Variants in PACS2 observed in about 807,000 individuals in gnomAD.
PACS2 encodes the protein phosphofurin acidic cluster sorting protein 2, also known as PACS1-like protein.
A neutral mutation model predicts 113.0 loss-of-function variants in PACS2; 36 were observed. The ratio of observed to expected loss-of-function variants is 0.32; its 90% CI spans 0.24 to 0.42. PACS2 has a LOEUF of 0.42. Among genes scored for constraint, PACS2 ranks in the 10% least tolerant of loss-of-function variants. The probability of loss-of-function intolerance (pLI) is 1.00; values close to 1 mark genes in which losing one functional copy is unlikely to be tolerated. For synonymous variants in PACS2, 589 were observed against 536.1 expected, an observed-to-expected ratio of 1.10 and a Z score of -1.36; for missense variants, 1,015 against 1,239.5, an observed-to-expected ratio of 0.82 and a Z score of 2.72.
chr14:105,314,985 A>G lies in PACS2; in HGVS notation c.67A>G (p.Asn23Asp), dbSNP rs2058503507. 2 of 1,247,924 alleles carry G rather than the reference A, an allele frequency of 1.6e-6. No homozygotes were observed. The highest frequency in any genetic ancestry group is 1.6e-5 in the South Asian group (1 of 63,116). The allele number at this position is 1,247,924 out of a possible 1,614,324, so 77.3% of individuals were successfully genotyped here. The change falls in exon 1 of 25, where the codon AAC becomes GAC. Residue 23 changes from asparagine (N) to aspartate (D), a missense_variant. Coordinates refer to ENST00000447393, the MANE Select transcript of PACS2 (RefSeq NM_001100913.3). ...CGCGCTCAACACGCCCGTGCCCATG[A>G]ACCTGTTCGCCACCTGGGAGGTGGA... is the stretch of plus-strand genomic sequence containing the variant. ...PGALNTPVPM[N>D]LFATWEVDGS...
At chr14:105,372,936 A>G (rs2061209961) in intron 8 of PACS2, 1 of 152,208 alleles carries the variant, frequency 6.6e-6, no homozygotes, top group Non-Finnish European at 1.5e-5. Context: ...GTTGACAGAA[A>G]ATATTTGCAA....
chr14:105,350,617 C>T (rs1380760516), intron 2 of PACS2, among the ~76,000 whole-genome samples: 2 of 152,248 alleles, frequency 1.3e-5, no homozygotes, highest in Non-Finnish European at 2.9e-5. Context: ...CCTCTCCGCC[C>T]AGGCCCCCTG....
chr14:105,362,544 AT>A (rs1357056438), intron 4 of PACS2, among the ~76,000 whole-genome samples: 33 of 151,846 alleles, frequency 2.2e-4, no homozygotes, highest in African/African-American at 7.0e-4. Flanking sequence ...AATGAAATAC[AT>A]TTTTTTTAAA....
chr14:105,341,650 T>C (rs2059729045), intron 1 of PACS2, among the ~76,000 whole-genome samples: 1 of 152,198 alleles, frequency 6.6e-6, no homozygotes, highest in African/African-American at 2.4e-5. Context: ...GCAAATAACA[T>C]GTTTTGTTTA....
At chr14:105,375,636 A>G (rs587609689) in intron 8 of PACS2, among the ~76,000 whole-genome samples, 1 of 152,380 alleles carries the variant, frequency 6.6e-6, no homozygotes, top group African/African-American at 2.4e-5. Context: ...GATCCCCACT[A>G]GGATGGCTGG....
At chr14:105,362,361 G>T (rs1485438946) in intron 4 of PACS2, among the ~76,000 whole-genome samples, 1 of 149,202 alleles carries the variant, frequency 6.7e-6, no homozygotes, top group Admixed American at 6.7e-5. Flanking sequence ...AGCTTGCAGT[G>T]AGCCGAGATC....
rs1555412966 is a variant in PACS2, at chr14:105,384,334, C to T, written c.1781-19C>T. 13 of 1,490,616 alleles carry T rather than the reference C, an allele frequency of 8.7e-6. No individual in the cohort carries two copies. The highest frequency in any genetic ancestry group is 1.1e-5 in the Non-Finnish European group (12 of 1,072,188). The allele number at this position is 1,490,616 out of a possible 1,614,324, so 92.3% of individuals were successfully genotyped here. On this transcript the variant is annotated intron_variant, in intron 16 of 24. Coordinates refer to ENST00000447393, the MANE Select transcript of PACS2 (RefSeq NM_001100913.3). ...TCCGAGTCCCCCGTGGTGACACCAG[C>T]CCCACCCCTGGCATGCAGGCTCCCA...
At chr14:105,353,754 C>A (rs764097657) in intron 3 of PACS2, among the ~76,000 whole-genome samples, 1 of 151,960 alleles carries the variant, frequency 6.6e-6, no homozygotes, top group African/African-American at 2.4e-5. Context: ...CCACCACGCC[C>A]GGCTATTTTT....
rs587661522 is a variant in PACS2, at chr14:105,331,244, C to T, written c.119+16207C>T. ...TGCTGGGATTACAGGCATGAGCCACCGTGCCCAGCCTGGGTTGGCTTTTAA... is the reference window on the plus strand; with the variant it reads ...TGCTGGGATTACAGGCATGAGCCACTGTGCCCAGCCTGGGTTGGCTTTTAA... On this transcript the variant is annotated intron_variant, in intron 1 of 24. Transcript: ENST00000447393. Among the ~76,000 whole-genome samples the T allele has an allele frequency of 3.3e-5, 5 of 152,226 alleles. No individual in the cohort carries two copies. The South Asian group carries it at 8.3e-4, about 25-fold the overall frequency.
intron 19 of PACS2, among the ~76,000 whole-genome samples, chr14:105,387,922 C>A (rs1057280250): frequency 4.6e-5 from 7 of 152,236 alleles, no homozygotes; most frequent in African/African-American, 1.7e-4. Flanking sequence ...TTTCCAAACA[C>A]TGGTCTGCTC....
intron 9 of PACS2, 83 bp from the exon 10 acceptor site, chr14:105,379,656 C>T: frequency 8.9e-7 from 1 of 1,124,948 alleles, no homozygotes; most frequent in Non-Finnish European, 1.3e-6. Context: ...TCTGTCCCTC[C>T]AGGTGTGGTG....
At position 105,318,183 on chromosome 14, in the gene PACS2, A is replaced by G. The variant is rs587616841; in HGVS notation, c.119+3146A>G. 6.6e-5 allele frequency among the ~76,000 whole-genome samples: 10 copies of G among 152,300 alleles called. No homozygotes were observed. In the South Asian group the frequency reaches 1.9e-3, roughly 28 times the overall value. ...GTTGTTGCAGAGACAGGGTCTCCCT[A>G]TGTTGCCCAGACTGGTCTTGAACTC... On this transcript the variant is annotated intron_variant, in intron 1 of 24. Coordinates refer to ENST00000447393, the MANE Select transcript of PACS2 (RefSeq NM_001100913.3).
chr14:105,393,192 A>G, intron 23 of PACS2, 30 bp from the exon 24 acceptor site: 1 of 1,548,648 alleles, frequency 6.5e-7, no homozygotes, highest in Non-Finnish European at 8.9e-7. Context: ...GAGCAGCAAG[A>G]TGACAGCAGG....
rs782647334 is a variant in PACS2, at chr14:105,391,802, C to T, written c.2255+36C>T. ...CTCACGGCTCAGCACGTTTCACTTA[C>T]CCGCCCCACCACATGCTGCCTGATT... is the stretch of plus-strand genomic sequence containing the variant. On this transcript the variant is annotated intron_variant, in intron 22 of 24. Coordinates refer to ENST00000447393, the MANE Select transcript of PACS2 (RefSeq NM_001100913.3). 31 of 1,554,434 alleles carry T rather than the reference C, an allele frequency of 2.0e-5. No individual in the cohort carries two copies. The South Asian group carries it at 3.3e-4, about 17-fold the overall frequency.
At chr14:105,334,173 C>A (rs934493878) in intron 1 of PACS2, among the ~76,000 whole-genome samples, 2 of 152,214 alleles carry the variant, frequency 1.3e-5, no homozygotes, top group Non-Finnish European at 2.9e-5. Flanking sequence ...CATCCTCCTG[C>A]GTTGGGCTCA....
intron 1 of PACS2, among the ~76,000 whole-genome samples, chr14:105,306,551 C>T (rs2058193088): frequency 6.6e-6 from 1 of 152,018 alleles, no homozygotes; most frequent in Admixed American, 6.6e-5. Flanking sequence ...GATCTGCCCA[C>T]CTCAACCTCC....
intron 8 of PACS2, chr14:105,370,168 T>G (rs1159873002): frequency 2.6e-6 from 1 of 388,512 alleles, no homozygotes; most frequent in Non-Finnish European, 4.6e-6. Flanking sequence ...ACCATTAGTT[T>G]GTGTGTTTTT....
intron 1 of PACS2, among the ~76,000 whole-genome samples, chr14:105,319,193 G>A (rs1193115150): frequency 3.9e-5 from 6 of 152,086 alleles, no homozygotes; most frequent in African/African-American, 9.7e-5. Flanking sequence ...TGATCCGCCC[G>A]CCTTGGCCTC....
intron 21 of PACS2, 189 bp downstream of exon 21, chr14:105,391,438 A>G (rs1227920244): frequency 6.0e-6 from 4 of 665,970 alleles, no homozygotes; most frequent in Non-Finnish European, 1.0e-5. Flanking sequence ...GCCCCACATC[A>G]AGGCTGGCAG....
Sources: gnomAD v4.1 joint callset for allele counts (sites outside exome capture counted in the v4.1 genomes callset) on GRCh38, gnomAD v4.1.1 for gene constraint, MANE v1.5 for transcripts, NCBI Gene and HGNC (gene_info 2026-07-23, HGNC 2026-07-21) for gene names.